Variants in PRIM2 observed in about 807,000 individuals in gnomAD.
PRIM2 encodes the protein DNA primase large subunit.
A neutral mutation model predicts 67.3 loss-of-function variants in PRIM2; 39 were observed. The ratio of observed to expected loss-of-function variants is 0.58; its 90% CI spans 0.45 to 0.76. The LOEUF is 0.76. PRIM2 is among the 30% of genes least tolerant of loss of function. The pLI is 0.00. For synonymous variants in PRIM2, 143 were observed against 198.7 expected (o/e 0.72, Z 2.36); for missense variants, 398 against 598.7 (o/e 0.66, Z 3.50).
intron 7 of PRIM2, among the ~76,000 whole-genome samples, chr6:57,448,907 T>C (rs1772444261): frequency 6.6e-6 from 1 of 152,130 alleles, no homozygotes; most frequent in African/African-American, 2.4e-5. Flanking sequence ...TGCTGGTCAG[T>C]TGTGCCTAAA....
At chr6:57,304,673 T>A in the PRIM2 span, among the ~76,000 whole-genome samples, 2 of 152,134 alleles carry the variant, frequency 1.3e-5, no homozygotes, top group African/African-American at 2.4e-5. Flanking sequence ...TGAAAGAAAC[T>A]GAAGCATTTG....
At chr6:57,330,348 G>GTTTTTTTTTTTTTTTTTTTTTTTT (rs1238317111) in intron 5 of PRIM2, among the ~76,000 whole-genome samples, 82 of 87,750 alleles carry the variant, frequency 9.3e-4, no homozygotes, top group South Asian at 1.3e-3. Flanking sequence ...TGCTGAACTT[G>GTTTTTTTTTTTTTTTTTTTTTTTT]TTTTTTTTTT....
intron 5 of PRIM2, among the ~76,000 whole-genome samples, chr6:57,360,547 T>A (rs1386627383): frequency 6.6e-6 from 1 of 152,186 alleles, no homozygotes; most frequent in African/African-American, 2.4e-5. Flanking sequence ...TAATACCCTT[T>A]TGTGTTGGCA....
chr6:57,366,082 A>C lies in PRIM2; in HGVS notation c.460-13819A>C, dbSNP rs527978626. 1.1e-4 allele frequency among the ~76,000 whole-genome samples: 16 copies of C among 152,290 alleles called. No homozygotes were observed. The South Asian group carries it at 2.5e-3, about 24-fold the overall frequency. ...TTGTACATAAATAATATAAAAAAAA[A>C]CTGTATCTTCAAGCAGACAGGTATG... is the stretch of plus-strand genomic sequence containing the variant. On this transcript the variant is annotated intron_variant, in intron 5 of 13. Coordinates refer to ENST00000615550, the MANE Select transcript of PRIM2 (RefSeq NM_000947.5).
intron 10 of PRIM2, among the ~76,000 whole-genome samples, chr6:57,539,359 AT>A (rs1236523025): frequency 6.6e-6 from 1 of 152,136 alleles, no homozygotes; most frequent in Non-Finnish European, 1.5e-5. Flanking sequence ...ATATTTGCAT[AT>A]TTTTGACCAA....
chr6:57,646,034 A>G lies in PRIM2; in HGVS notation c.1406A>G (p.Glu469Gly), dbSNP rs1777328516. The change falls in exon 14 of 14, where the codon GAA (glutamate) becomes GGA (glycine). Residue 469 changes from glutamate to glycine, a missense_variant. Coordinates refer to ENST00000615550, the MANE Select transcript of PRIM2 (RefSeq NM_000947.5). ...KDIKKEPIQP[E>G]TPQPKPSVQK... Reference sequence around the variant, plus strand: ...ATAAAGAAGGAACCTATCCAACCAGAAACTCCTCAACCCAAACCAAGTGTC... The same window carrying G: ...ATAAAGAAGGAACCTATCCAACCAGGAACTCCTCAACCCAAACCAAGTGTC... 6.2e-7 allele frequency: 1 copy of G among 1,602,860 alleles called. No homozygotes were observed. The highest frequency in any genetic ancestry group is 1.7e-5 in the Admixed American group (1 of 59,980).
chr6:57,228,672 T>G, the PRIM2 span, among the ~76,000 whole-genome samples: 194 of 152,292 alleles, frequency 1.3e-3, no homozygotes, highest in African/African-American at 4.6e-3. Flanking sequence ...CCAACGTTAT[T>G]GGGCTCTTAC....
chr6:57,420,587 G>T (rs186996718), intron 7 of PRIM2, among the ~76,000 whole-genome samples: 1 of 152,322 alleles, frequency 6.6e-6, no homozygotes, highest in Admixed American at 6.5e-5. Context: ...CTGCTAGTCA[G>T]CTTCTTCCAT....
At chr6:57,598,120 T>C (rs1776400777) in intron 10 of PRIM2, among the ~76,000 whole-genome samples, 1 of 152,188 alleles carries the variant, frequency 6.6e-6, no homozygotes, top group Non-Finnish European at 1.5e-5. Flanking sequence ...TTGGGCAATC[T>C]GGCTTCTCAC....
At chr6:57,478,869 G>A (rs1416203082) in intron 7 of PRIM2, among the ~76,000 whole-genome samples, 1 of 152,200 alleles carries the variant, frequency 6.6e-6, no homozygotes, top group African/African-American at 2.4e-5. Flanking sequence ...ACATTCGGCT[G>A]GGCGCGGTGG....
chr6:57,400,116 T>C (rs1770655531), intron 7 of PRIM2, among the ~76,000 whole-genome samples: 2 of 152,406 alleles, frequency 1.3e-5, no homozygotes, highest in Admixed American at 1.3e-4. Flanking sequence ...ATGTTTGTAT[T>C]GATATGTGTA....
intron 7 of PRIM2, among the ~76,000 whole-genome samples, chr6:57,392,966 ATTAT>A (rs1770403901): frequency 6.7e-6 from 1 of 149,664 alleles, no homozygotes; most frequent in Admixed American, 6.7e-5. Flanking sequence ...AATGCTGTTA[ATTAT>A]TCCTTTTTAT....
At chr6:57,342,809 C>T (rs572294226) in intron 5 of PRIM2, among the ~76,000 whole-genome samples, 22 of 152,256 alleles carry the variant, frequency 1.4e-4, no homozygotes, top group African/African-American at 4.8e-4. Context: ...TTGGTAACCT[C>T]GTTGCCTCAC....
chr6:57,308,482 C>T, the PRIM2 span, among the ~76,000 whole-genome samples: 2 of 152,070 alleles, frequency 1.3e-5, no homozygotes, highest in African/African-American at 2.4e-5. Flanking sequence ...GATATTGCCA[C>T]GAATGTTCTT....
intron 10 of PRIM2, among the ~76,000 whole-genome samples, chr6:57,566,876 A>C (rs1215335335): frequency 3.3e-5 from 5 of 152,290 alleles, no homozygotes; most frequent in South Asian, 2.1e-4. Context: ...CTTGCTCTGC[A>C]ACTTAGCAGC....
chr6:57,506,291 C>A (rs1199074631), intron 7 of PRIM2, among the ~76,000 whole-genome samples: 3 of 151,832 alleles, frequency 2.0e-5, no homozygotes, highest in Non-Finnish European at 2.9e-5. Context: ...CAGAATATGG[C>A]ACTTTGGTCA....
chr6:57,487,263 C>G (rs1225485847), intron 7 of PRIM2, among the ~76,000 whole-genome samples: 1 of 152,124 alleles, frequency 6.6e-6, no homozygotes, highest in African/African-American at 2.4e-5. Flanking sequence ...TGGAAACTTC[C>G]GTGTTGCCCA....
At chr6:57,644,001 A>C (rs1404564907) in intron 13 of PRIM2, among the ~76,000 whole-genome samples, 2 of 152,108 alleles carry the variant, frequency 1.3e-5, no homozygotes, top group African/African-American at 4.8e-5. Flanking sequence ...CATGGCAGCA[A>C]CCCCTTTTTC....
chr6:57,518,716 A>G (rs1262299762), intron 8 of PRIM2, among the ~76,000 whole-genome samples: 6 of 152,208 alleles, frequency 3.9e-5, no homozygotes, highest in African/African-American at 1.4e-4. Context: ...GATAACTATG[A>G]TAAAGAAATG....
Sources: gnomAD v4.1 joint callset for allele counts (sites outside exome capture counted in the v4.1 genomes callset) on GRCh38, gnomAD v4.1.1 for gene constraint, MANE v1.5 for transcripts, NCBI Gene and HGNC (gene_info 2026-07-23, HGNC 2026-07-21) for gene names.